ZNF713: variants seen among roughly 807,000 people sequenced by gnomAD.
ZNF713 encodes zinc finger protein 713.
In ZNF713, 21 loss-of-function variants were observed where a neutral mutation model predicts 28.7. That is an observed-to-expected ratio of 0.73 (90% confidence interval 0.52 to 1.05). The LOEUF (loss-of-function observed/expected upper bound fraction) is 1.05, where lower values mean the gene tolerates loss of function less well. Ranked by LOEUF, ZNF713 falls within the 50% of genes least tolerant of loss-of-function variation. ZNF713 has a pLI of 0.00. For missense variants in ZNF713, 458 were observed against 532.4 expected, an observed-to-expected ratio of 0.86 and a Z score of 1.37; for synonymous variants, 167 against 178.0, an observed-to-expected ratio of 0.94 and a Z score of 0.49.
At chr7:55,903,653 C>T (rs74855049) in intron 1 of ZNF713, among the ~76,000 whole-genome samples, 6,622 of 145,966 alleles carry the variant, frequency 0.045, 263 homozygotes, top group East Asian at 0.22. Flanking sequence ...GGCAACAGAG[C>T]CAGACTGTGT....
At chr7:55,917,020 C>A (rs948329530) in intron 4 of ZNF713, among the ~76,000 whole-genome samples, 2 of 151,900 alleles carry the variant, frequency 1.3e-5, no homozygotes, top group African/African-American at 4.8e-5. Flanking sequence ...TGAGACCATC[C>A]TGGCTAACAC....
chr7:55,921,318 C>T (rs1054891483), intron 4 of ZNF713, among the ~76,000 whole-genome samples: 8 of 152,156 alleles, frequency 5.3e-5, no homozygotes, highest in African/African-American at 1.9e-4. Context: ...ATTCTGCAGC[C>T]CACGGATCAA....
chr7:55,908,677 C>T (rs138328263), intron 2 of ZNF713, among the ~76,000 whole-genome samples: 1 of 151,254 alleles, frequency 6.6e-6, no homozygotes, highest in Admixed American at 6.6e-5. Flanking sequence ...AATATTTTGT[C>T]CTGTTGTCTG....
rs7777475 is a variant in ZNF713 at position 55,941,165 on chromosome 7, G to A, written c.*1159G>A. On this transcript the variant is annotated 3_prime_UTR_variant, in exon 7 of 7. Transcript: ENST00000429591. ...AAATCAGAAATTTTGATTAATTAAA[G>A]ACAATGCTGGCTGGGGGCGGTGGTT... 66,010 of 149,228 alleles carry A rather than the reference G, an allele frequency of 0.44. 14,824 individuals are homozygous for A. Among genetic ancestry groups the A allele is most frequent in the East Asian group, 0.58 (2,866 of 4,912 alleles). 9.2% of individuals were successfully genotyped at this position (149,228 alleles called of 1,614,324 possible).
chr7:55,940,223 A>C lies in ZNF713; in HGVS notation c.*217A>C. The C allele has an allele frequency of 1.3e-6, 1 of 789,748 alleles. No individual in the cohort carries two copies. Among genetic ancestry groups the C allele is most frequent in the Non-Finnish European group, 1.8e-6 (1 of 565,476 alleles). 48.9% of individuals were successfully genotyped at this position (789,748 alleles called of 1,614,324 possible). A position where few individuals can be genotyped will look rare whatever the true frequency, so the allele number is the denominator to read the frequency against. The stretch of plus-strand genomic sequence containing the variant: ...CTGCAACCTCTGCCACCTGGGTTCA[A>C]GCGATTCTCCTGCCTCAGCCTCCTG... On this transcript the variant is annotated 3_prime_UTR_variant, in exon 7 of 7. Transcript: ENST00000429591.
intron 1 of ZNF713, among the ~76,000 whole-genome samples, chr7:55,892,248 A>T (rs577599150): frequency 7.2e-6 from 1 of 138,382 alleles, no homozygotes; most frequent in East Asian, 2.3e-4. Flanking sequence ...GCTGCACTCC[A>T]GCCTGGGCGA....
intron 1 of ZNF713, among the ~76,000 whole-genome samples, chr7:55,900,099 C>T (rs1259750665): frequency 6.6e-6 from 1 of 152,160 alleles, no homozygotes; most frequent in Non-Finnish European, 1.5e-5. Context: ...ATCTGTACTC[C>T]TATGTTTATT....
intron 6 of ZNF713, among the ~76,000 whole-genome samples, chr7:55,933,386 C>A (rs1224460576): frequency 1.3e-5 from 2 of 152,052 alleles, no homozygotes; most frequent in Non-Finnish European, 2.9e-5. Flanking sequence ...ACCTCCACCT[C>A]CTGAGTTCGA....
rs1562731846 is a variant in ZNF713 at position 55,887,871 on chromosome 7, CGGCGG to C, written c.-583+192_-583+196del. Among the ~76,000 whole-genome samples, 27 of 2,746 alleles carry C rather than the reference CGGCGG, an allele frequency of 9.8e-3. 7 individuals carry two copies. The highest frequency in any genetic ancestry group is 0.045 in the African/African-American group (25 of 556). 1.8% of individuals were successfully genotyped at this position (2,746 alleles called of 152,430 possible). ...GGCGGCGGCGGGCGGCGGGCGGCGG[CGGCGG>C]CGGCGGCGGCGGGCGGCGGCGGCGG... On this transcript the variant is annotated intron_variant, in intron 1 of 6. Transcript: ENST00000429591.
intron 2 of ZNF713, 27 bp from the exon 3 acceptor site, chr7:55,911,589 T>C (rs1022928848): frequency 6.6e-6 from 1 of 152,236 alleles, no homozygotes; most frequent in African/African-American, 2.4e-5. Context: ...GGATTTCTTC[T>C]GCTGACCCTG....
intron 1 of ZNF713, among the ~76,000 whole-genome samples, chr7:55,905,046 ACTCTT>A (rs1415300032): frequency 4.0e-5 from 6 of 151,898 alleles, no homozygotes; most frequent in South Asian, 2.1e-4. Context: ...CTTTTAAGCC[ACTCTT>A]CTCTTCACTT....
intron 6 of ZNF713, among the ~76,000 whole-genome samples, chr7:55,934,836 A>G (rs574766431): frequency 6.6e-6 from 1 of 151,638 alleles, no homozygotes; most frequent in Non-Finnish European, 1.5e-5. Context: ...ACAATTTGAC[A>G]GAATTTATCA....
intron 6 of ZNF713, among the ~76,000 whole-genome samples, chr7:55,932,833 G>A (rs528856027): frequency 4.3e-4 from 56 of 129,334 alleles, no homozygotes; most frequent in Non-Finnish European, 7.8e-4. Flanking sequence ...GCAGTGAGCC[G>A]AGATTGCGCC....
At chr7:55,908,917 T>C (rs1434627844) in intron 2 of ZNF713, among the ~76,000 whole-genome samples, 3 of 151,970 alleles carry the variant, frequency 2.0e-5, no homozygotes, top group Admixed American at 2.0e-4. Context: ...TGGTTAAAGA[T>C]AGGGGTCCAG....
chr7:55,894,195 G>T (rs1276233063), intron 1 of ZNF713, among the ~76,000 whole-genome samples: 2 of 152,134 alleles, frequency 1.3e-5, no homozygotes, highest in African/African-American at 2.4e-5. Context: ...ATGGCCTCAG[G>T]CAAACAAAGA....
At chr7:55,912,179 T>C in intron 3 of ZNF713, 111 bp downstream of exon 3, 1 of 154,606 alleles carries the variant, frequency 6.5e-6, no homozygotes, top group Admixed American at 6.4e-5. Context: ...GGTGAATTCA[T>C]TCCTTGTGGG....
rs1208673057 is a variant in ZNF713 at position 55,939,018 on chromosome 7, C to A, written c.344C>A (p.Thr115Lys). Residue 115 changes from threonine to lysine, a missense_variant, in exon 7 of 7, where the codon ACA (threonine) becomes AAA (lysine). Physicochemically the swap from Thr to Lys is moderately conservative, Grantham distance 78. Transcript: ENST00000429591. ...ENRPEIKKST[T>K]SQNISDENQT... ...AGACCCGAAATCAAAAAGTCAACCACAAGCCAGAATATTTCTGATGAAAAT... is the reference window on the plus strand; with the variant it reads ...AGACCCGAAATCAAAAAGTCAACCAAAAGCCAGAATATTTCTGATGAAAAT... 10 of 1,595,402 alleles carry A rather than the reference C, an allele frequency of 6.3e-6. No homozygotes were observed. The highest frequency in any genetic ancestry group is 8.5e-6 in the Non-Finnish European group (10 of 1,171,944).
intron 2 of ZNF713, among the ~76,000 whole-genome samples, chr7:55,907,551 A>G (rs771086738): frequency 7.9e-5 from 12 of 152,138 alleles, no homozygotes; most frequent in Non-Finnish European, 1.3e-4. Flanking sequence ...TGATGTATGC[A>G]TCACTCTAAT....
At chr7:55,903,922 T>C (rs562855355) in intron 1 of ZNF713, among the ~76,000 whole-genome samples, 221 of 152,210 alleles carry the variant, frequency 1.5e-3, no homozygotes, top group Middle Eastern at 6.8e-3. Flanking sequence ...TACTCCAACC[T>C]AAGAGTGGCA....
Sources: gnomAD v4.1 joint callset for allele counts (sites outside exome capture counted in the v4.1 genomes callset) on GRCh38, gnomAD v4.1.1 for gene constraint, MANE v1.5 for transcripts, NCBI Gene and HGNC (gene_info 2026-07-23, HGNC 2026-07-21) for gene names.